Variants in CDC42SE2 observed in about 807,000 individuals in gnomAD.
The protein encoded by CDC42SE2 is CDC42 small effector protein 2.
A neutral mutation model predicts 11.5 loss-of-function variants in CDC42SE2; 3 were observed. The observed-to-expected ratio is 0.26, with a 90% confidence interval of 0.12 to 0.67. CDC42SE2 has a LOEUF of 0.67. CDC42SE2 is among the 30% of genes least tolerant of loss of function. CDC42SE2 has a pLI of 0.80. For missense variants in CDC42SE2, 82 were observed against 106.8 expected (o/e 0.77, Z 1.02); for synonymous variants, 33 against 34.8 (o/e 0.95, Z 0.18).
chr5:131,296,785 T>C (rs1757578900), intron 1 of CDC42SE2, among the ~76,000 whole-genome samples: 1 of 152,206 alleles, frequency 6.6e-6, no homozygotes, highest in Admixed American at 6.5e-5. Flanking sequence ...CTTTACAGTT[T>C]GATTATGTTG....
chr5:131,212,115 T>G, the CDC42SE2 span, among the ~76,000 whole-genome samples: 2 of 152,048 alleles, frequency 1.3e-5, no homozygotes, highest in Non-Finnish European at 2.9e-5. Context: ...GTTTTTTTGT[T>G]TTTTTGTTTT....
intron 2 of CDC42SE2, among the ~76,000 whole-genome samples, chr5:131,355,201 A>G (rs1749499936): frequency 6.6e-6 from 1 of 152,180 alleles, no homozygotes; most frequent in Non-Finnish European, 1.5e-5. Context: ...TTTCATATAT[A>G]TTAGCTAACT....
intron 3 of CDC42SE2, 41 bp from the exon 4 acceptor site, chr5:131,385,502 A>G: frequency 7.0e-7 from 1 of 1,423,640 alleles, no homozygotes; most frequent in Admixed American, 1.8e-5. Flanking sequence ...TAAGTTGCTC[A>G]TAAGATCACT....
At chr5:131,240,153 T>C in the CDC42SE2 span, among the ~76,000 whole-genome samples, 1 of 152,232 alleles carries the variant, frequency 6.6e-6, no homozygotes, top group Admixed American at 6.5e-5. Context: ...AGTTACAGAC[T>C]TTAACTATTT....
chr5:131,350,278 C>T (rs1489550460), intron 2 of CDC42SE2, among the ~76,000 whole-genome samples: 1 of 151,432 alleles, frequency 6.6e-6, no homozygotes, highest in Non-Finnish European at 1.5e-5. Flanking sequence ...CAATTAAATT[C>T]CTTGGCAGTT....
At chr5:131,211,709 C>T in the CDC42SE2 span, among the ~76,000 whole-genome samples, 1 of 152,186 alleles carries the variant, frequency 6.6e-6, no homozygotes, top group Non-Finnish European at 1.5e-5. Context: ...TTGCCTGGTG[C>T]AGTGGCTCAT....
chr5:131,365,265 G>A (rs1483619826), intron 3 of CDC42SE2, among the ~76,000 whole-genome samples: 2 of 151,906 alleles, frequency 1.3e-5, no homozygotes, highest in African/African-American at 4.8e-5. Flanking sequence ...ACTCCAGCCT[G>A]GACTGGGCCA....
intron 2 of CDC42SE2, among the ~76,000 whole-genome samples, chr5:131,340,755 G>C (rs1362455048): frequency 1.3e-5 from 2 of 151,434 alleles, no homozygotes; most frequent in African/African-American, 4.9e-5. Flanking sequence ...CATGATCTTA[G>C]TCCATTGCAG....
In CDC42SE2 at chr5:131,341,897, AT is replaced by A. The variant is rs200602246; in HGVS notation, c.-285-17311del. 7.4e-3 allele frequency among the ~76,000 whole-genome samples: 1,107 copies of A among 149,596 alleles called. 11 individuals carry two copies. The highest frequency in any genetic ancestry group is 0.024 in the African/African-American group (986 of 40,600). ...GCAACAGAGCAAGACTCTTGTCTCAATAAAAAAAAAAAAAGATAGCTAATTA... is the reference window on the plus strand; with the variant it reads ...GCAACAGAGCAAGACTCTTGTCTCAAAAAAAAAAAAAAAGATAGCTAATTA... On this transcript the variant is annotated intron_variant, in intron 2 of 4. Coordinates refer to ENST00000505065, the MANE Select transcript of CDC42SE2 (RefSeq NM_001375635.1).
chr5:131,356,126 C>A (rs944943986), intron 2 of CDC42SE2, among the ~76,000 whole-genome samples: 2 of 152,174 alleles, frequency 1.3e-5, no homozygotes, highest in African/African-American at 4.8e-5. Context: ...TGTTAAAATA[C>A]TCTCTTGTGC....
rs558955937 is a variant in CDC42SE2 at position 131,336,905 on chromosome 5, A to G, written c.-286+20761A>G. Among the ~76,000 whole-genome samples the G allele has an allele frequency of 2.6e-5, 4 of 152,176 alleles. No homozygotes were observed. The East Asian group carries it at 5.8e-4, about 22-fold the overall frequency. ...TTTCAAAGTTTTTAACTTCCTTGCC[A>G]TTCGTTCGAACTTCCTCCGTTAGCA... On this transcript the variant is annotated intron_variant, in intron 2 of 4. Transcript: ENST00000505065.
rs573281247 is a variant in CDC42SE2 at position 131,368,991 on chromosome 5, T to C, written c.54+9444T>C. Among the ~76,000 whole-genome samples, 4 of 152,308 alleles carry C rather than the reference T, an allele frequency of 2.6e-5. No individual in the cohort carries two copies. The South Asian group carries it at 8.3e-4, about 32-fold the overall frequency. ...ATATTACTCGTTAAGAAATAGGACA[T>C]TGCCAGCACCCCAGAAGCCTCCTTG... On this transcript the variant is annotated intron_variant, in intron 3 of 4. Transcript: ENST00000505065.
chr5:131,245,882 A>T (rs1756577531), intron 1 of CDC42SE2, among the ~76,000 whole-genome samples: 1 of 152,216 alleles, frequency 6.6e-6, no homozygotes, highest in Non-Finnish European at 1.5e-5. Flanking sequence ...TCTATTTTAC[A>T]GTCTATGACA....
chr5:131,251,926 G>T (rs888124175), intron 1 of CDC42SE2, among the ~76,000 whole-genome samples: 1 of 152,080 alleles, frequency 6.6e-6, no homozygotes, highest in African/African-American at 2.4e-5. Context: ...TTGGCAGGAG[G>T]ATCGCTTGAG....
intron 3 of CDC42SE2, among the ~76,000 whole-genome samples, chr5:131,367,682 T>A (rs528460472): frequency 6.6e-6 from 1 of 152,326 alleles, no homozygotes; most frequent in Non-Finnish European, 1.5e-5. Flanking sequence ...TTTTTAAAAT[T>A]TCTTATTTAT....
At chr5:131,252,027 A>G (rs1756642868) in intron 1 of CDC42SE2, among the ~76,000 whole-genome samples, 1 of 150,488 alleles carries the variant, frequency 6.6e-6, no homozygotes, top group Admixed American at 6.7e-5. Context: ...AAAAGTAAGA[A>G]GAAAAAAAGA....
intron 1 of CDC42SE2, among the ~76,000 whole-genome samples, chr5:131,287,968 G>A (rs1444155296): frequency 5.3e-5 from 8 of 151,990 alleles, no homozygotes; most frequent in Non-Finnish European, 1.2e-4. Context: ...AAGTGGCCGG[G>A]CGTGGTGGCT....
At chr5:131,243,893 T>G (rs1756559289), upstream of CDC42SE2, among the ~76,000 whole-genome samples, 1 of 152,268 alleles carries the variant, frequency 6.6e-6, no homozygotes, top group South Asian at 2.1e-4. Flanking sequence ...CATAGTTAGA[T>G]CCCAGCAACA....
chr5:131,329,298 T>C (rs916107117), intron 2 of CDC42SE2, among the ~76,000 whole-genome samples: 3 of 150,804 alleles, frequency 2.0e-5, no homozygotes, highest in Non-Finnish European at 2.9e-5. Flanking sequence ...TTCAGAAAAG[T>C]TAAGTACAGC....
Sources: gnomAD v4.1 joint callset for allele counts (sites outside exome capture counted in the v4.1 genomes callset) on GRCh38, gnomAD v4.1.1 for gene constraint, MANE v1.5 for transcripts, NCBI Gene and HGNC (gene_info 2026-07-23, HGNC 2026-07-21) for gene names.